STEAP2: variants seen among roughly 807,000 people sequenced by gnomAD.
STEAP2 encodes metalloreductase STEAP2.
In STEAP2, 30 loss-of-function variants were observed where a neutral mutation model predicts 46.4. That is an observed-to-expected ratio of 0.65 (90% CI 0.48 to 0.88). STEAP2 has a LOEUF of 0.88. Ranked by LOEUF, STEAP2 falls within the 40% of genes least tolerant of loss-of-function variation. The probability of loss-of-function intolerance (pLI) is 0.00; values close to 1 mark genes in which losing one functional copy is unlikely to be tolerated. For synonymous variants in STEAP2, 180 were observed against 200.5 expected, an observed-to-expected ratio of 0.90 and a Z score of 0.86; for missense variants, 513 against 579.3, an observed-to-expected ratio of 0.89 and a Z score of 1.18.
chr7:90,238,144 G>GCTA (rs1562820119), downstream of STEAP2: 1 of 717,210 alleles, frequency 1.4e-6, no homozygotes, highest in Admixed American at 2.0e-5. Flanking sequence ...TGCTGCTGCT[G>GCTA]CCACTACCAC....
rs1795814912 is a variant in STEAP2 at position 90,232,724 on chromosome 7, G to C, written c.*100G>C. 7.2e-7 allele frequency: 1 copy of C among 1,388,474 alleles called. No individual in the cohort carries two copies. The highest frequency in any genetic ancestry group is 1.4e-5 in the African/African-American group (1 of 70,008). 86.0% of individuals were successfully genotyped at this position (1,388,474 alleles called of 1,614,324 possible). The stretch of plus-strand genomic sequence containing the variant: ...CAAGTATGCTGTCAAATTATCGTGG[G>C]TTGAAACTTGTTAAATGAGATTTCA... On this transcript the variant is annotated 3_prime_UTR_variant, in exon 6 of 6. Coordinates refer to ENST00000394621, the MANE Select transcript of STEAP2 (RefSeq NM_001244944.2).
chr7:90,224,941 A>C, intron 2 of STEAP2, 109 bp from the exon 3 acceptor site: 2 of 868,320 alleles, frequency 2.3e-6, no homozygotes, highest in Admixed American at 2.7e-5. Context: ...TGTATGTTAA[A>C]GTGTGGTGAA....
At chr7:90,221,716 C>T in intron 2 of STEAP2, among the ~76,000 whole-genome samples, 1 of 152,068 alleles carries the variant, frequency 6.6e-6, no homozygotes, top group East Asian at 1.9e-4. Flanking sequence ...AGAAGGTCTT[C>T]CCCACAGCAC....
Position 90,233,377 on chromosome 7 carries a change from A to C in STEAP2, c.*753A>C. The stretch of plus-strand genomic sequence containing the variant: ...GATTCAGTAACATTTGGCTTCCAAA[A>C]CTGCTATCTCTAATACGGTACCAAT... On this transcript the variant is annotated 3_prime_UTR_variant, in exon 6 of 6. Coordinates refer to ENST00000394621, the MANE Select transcript of STEAP2 (RefSeq NM_001244944.2). 1 of 985,334 alleles carries C rather than the reference A, an allele frequency of 1.0e-6. No individual in the cohort carries two copies. The highest frequency in any genetic ancestry group is 1.2e-6 in the Non-Finnish European group (1 of 829,842). 61.0% of individuals were successfully genotyped at this position (985,334 alleles called of 1,614,324 possible).
chr7:90,242,774 C>A (rs1796078583), downstream of STEAP2, among the ~76,000 whole-genome samples: 2 of 152,278 alleles, frequency 1.3e-5, no homozygotes, highest in Non-Finnish European at 2.9e-5. Context: ...AAGAATGGTT[C>A]TAAAGATATC....
In STEAP2 at chr7:90,233,082, C is replaced by A. The variant is rs1219348357; in HGVS notation, c.*458C>A. 4.1e-6 allele frequency: 4 copies of A among 984,186 alleles called. No individual in the cohort carries two copies. The East Asian group carries it at 3.4e-4, about 83-fold the overall frequency. The allele number at this position is 984,186 out of a possible 1,614,324, so 61.0% of individuals were successfully genotyped here. ...TATTATACATTTTTTTAAGAAAGGA[C>A]ACGTTATGTTAGCATCTAGGTAAGG... On this transcript the variant is annotated 3_prime_UTR_variant, in exon 6 of 6. Coordinates refer to ENST00000394621, the MANE Select transcript of STEAP2 (RefSeq NM_001244944.2).
chr7:90,213,076 G>A (rs545985537), intron 1 of STEAP2, among the ~76,000 whole-genome samples: 41 of 152,052 alleles, frequency 2.7e-4, no homozygotes, highest in Non-Finnish European at 4.6e-4. Flanking sequence ...CAAAACACCC[G>A]TCCTAAATAA....
downstream of STEAP2, among the ~76,000 whole-genome samples, chr7:90,239,708 T>C (rs1796038436): frequency 6.6e-6 from 1 of 152,202 alleles, no homozygotes; most frequent in African/African-American, 2.4e-5. Flanking sequence ...TTTTAATTTT[T>C]TTTACTTTCA....
intron 2 of STEAP2, among the ~76,000 whole-genome samples, chr7:90,221,229 A>G (rs10257907): frequency 0.013 from 1,961 of 152,202 alleles, 47 homozygotes; most frequent in African/African-American, 0.045. Context: ...GAAGTCCCCA[A>G]ATGTTGTTGT....
intron 2 of STEAP2, 64 bp from the exon 3 acceptor site, chr7:90,224,985 TG>T: frequency 7.4e-7 from 1 of 1,343,298 alleles, no homozygotes; most frequent in Non-Finnish European, 1.0e-6. Context: ...GACATTACAA[TG>T]TCTAGAAGTG....
downstream of STEAP2, among the ~76,000 whole-genome samples, chr7:90,239,764 T>G (rs935164131): frequency 2.6e-5 from 4 of 152,228 alleles, no homozygotes; most frequent in African/African-American, 9.6e-5. Context: ...TGCAGCTTCC[T>G]ACTTAAAAAT....
intron 2 of STEAP2, among the ~76,000 whole-genome samples, chr7:90,223,821 C>G (rs770896046): frequency 5.9e-5 from 9 of 152,070 alleles, no homozygotes; most frequent in Non-Finnish European, 1.2e-4. Flanking sequence ...TATTTTGATG[C>G]CTATTTTTCT....
intron 2 of STEAP2, among the ~76,000 whole-genome samples, chr7:90,222,390 G>A (rs1795288193): frequency 6.6e-6 from 1 of 152,128 alleles, no homozygotes; most frequent in African/African-American, 2.4e-5. Context: ...AAAGAAAAAG[G>A]AATAATATAC....
chr7:90,230,169 T>C, intron 5 of STEAP2, 133 bp downstream of exon 5: 1 of 1,489,206 alleles, frequency 6.7e-7, no homozygotes, highest in South Asian at 1.4e-5. Flanking sequence ...TACATTATGC[T>C]GGAAGCCAGC....
Position 90,232,679 on chromosome 7 carries a change from A to G in STEAP2, c.*55A>G. 1 of 1,507,078 alleles carries G rather than the reference A, an allele frequency of 6.6e-7. No individual in the cohort carries two copies. The highest frequency in any genetic ancestry group is 8.9e-7 in the Non-Finnish European group (1 of 1,127,978). 93.4% of individuals were successfully genotyped at this position (1,507,078 alleles called of 1,614,324 possible). On this transcript the variant is annotated 3_prime_UTR_variant, in exon 6 of 6. Transcript: ENST00000394621. The stretch of plus-strand genomic sequence containing the variant: ...AAGTTCTACTCATGCCATTATTTTT[A>G]TGACTTCTACGTTCAGTTACAAGTA...
intron 5 of STEAP2, among the ~76,000 whole-genome samples, chr7:90,230,544 A>G (rs1795695516): frequency 6.6e-6 from 1 of 152,030 alleles, no homozygotes; most frequent in Non-Finnish European, 1.5e-5. Context: ...GTAATGGATT[A>G]TAACATGCAA....
chr7:90,225,315 A>G lies in STEAP2; in HGVS notation c.233A>G (p.His78Arg), dbSNP rs1316517802. The G allele has an allele frequency of 2.5e-6, 4 of 1,613,920 alleles. No individual in the cohort carries two copies. Among genetic ancestry groups the G allele is most frequent in the Non-Finnish European group, 2.5e-6 (3 of 1,179,966 alleles). Reference sequence around the variant, plus strand: ...TTTCCTCATGTGGTAGATGTCACTCATCATGAAGATGCTCTCACAAAAACA... The same window carrying G: ...TTTCCTCATGTGGTAGATGTCACTCGTCATGAAGATGCTCTCACAAAAACA... ...EFFPHVVDVT[H>R]HEDALTKTNI... The change falls in exon 3 of 6, where the codon CAT becomes CGT. Residue 78 changes from histidine (H) to arginine (R), a missense_variant. Coordinates refer to ENST00000394621, the MANE Select transcript of STEAP2 (RefSeq NM_001244944.2).
chr7:90,229,142 G>A (rs764301829), intron 4 of STEAP2, among the ~76,000 whole-genome samples: 18 of 151,988 alleles, frequency 1.2e-4, no homozygotes, highest in Non-Finnish European at 5.9e-5. Context: ...ACTTCTAAAG[G>A]TAGTCCCTAC....
At chr7:90,237,957 T>G (rs1359016627), downstream of STEAP2, 8 of 645,794 alleles carry the variant, frequency 1.2e-5, no homozygotes, top group Non-Finnish European at 2.3e-5. Flanking sequence ...TCTAGTATAA[T>G]GTGATCTATG....
Sources: gnomAD v4.1 joint callset for allele counts (sites outside exome capture counted in the v4.1 genomes callset) on GRCh38, gnomAD v4.1.1 for gene constraint, MANE v1.5 for transcripts, NCBI Gene and HGNC (gene_info 2026-07-23, HGNC 2026-07-21) for gene names.